The following TEX261 variants were observed in gnomAD, a reference collection of about 807,000 sequenced individuals.
TEX261 encodes protein TEX261.
A neutral mutation model predicts 25.1 loss-of-function variants in TEX261; 13 were observed. The observed-to-expected ratio is 0.52, with a 90% CI of 0.34 to 0.82. The LOEUF is 0.82. TEX261 is among the 40% of genes least tolerant of loss of function. TEX261 has a pLI of 0.02. For missense variants in TEX261, 206 were observed against 243.2 expected, an observed-to-expected ratio of 0.85 and a Z score of 1.02; for synonymous variants, 92 against 97.8, an observed-to-expected ratio of 0.94 and a Z score of 0.35.
chr2:70,989,812 TAG>T lies in TEX261; in HGVS notation c.307_308del (p.Leu103SerfsTer57). 6.2e-7 allele frequency: 1 copy of T among 1,610,922 alleles called. No individual in the cohort carries two copies. The highest frequency in any genetic ancestry group is 8.5e-7 in the Non-Finnish European group (1 of 1,177,074). On this transcript the variant is annotated frameshift_variant and splice_region_variant, in exon 4 of 6. Coordinates refer to ENST00000272438, the MANE Select transcript of TEX261 (RefSeq NM_144582.3). LOFTEE classifies it high-confidence loss of function. ...ATGCTAGGTAATGATTCACCACCAC[TAG>T]TCCTGTTGAGGGAATGAAGAGTCAG... ...TSPNFILSCG[L>X]VVVNHYLAFQ...
At position 70,988,710 on chromosome 2, in the gene TEX261, C is replaced by T. The variant is rs1553425218; in HGVS notation, c.481G>A (p.Val161Ile). Residue 161 changes from valine to isoleucine, a missense_variant, in exon 6 of 6, where the codon GTC becomes ATC. Coordinates refer to ENST00000272438, the MANE Select transcript of TEX261 (RefSeq NM_144582.3). The part of the protein sequence containing the change: ...LPSTMQPGDD[V>I]VSNYFTKGKR... ...CCTTTGGTGAAATAATTGGAGACGA[C>T]ATCATCTGTGGAGATACAGGCAAGA... 2 of 1,613,438 alleles carry T rather than the reference C, an allele frequency of 1.2e-6. No individual in the cohort carries two copies. The highest frequency in any genetic ancestry group is 2.2e-5 in the East Asian group (1 of 44,874).
At chr2:70,992,045 C>A in intron 2 of TEX261, 62 bp from the exon 3 acceptor site, 1 of 1,482,836 alleles carries the variant, frequency 6.7e-7, no homozygotes. Flanking sequence ...CTGGACTCAC[C>A]AACCCCCAGC....
At chr2:70,990,916 A>G (rs1422767116) in intron 3 of TEX261, among the ~76,000 whole-genome samples, 1 of 152,184 alleles carries the variant, frequency 6.6e-6, no homozygotes, top group Non-Finnish European at 1.5e-5. Flanking sequence ...TTCTTTGGTG[A>G]AATCACACCC....
intron 3 of TEX261, among the ~76,000 whole-genome samples, chr2:70,990,049 T>C (rs1372952486): frequency 6.6e-6 from 1 of 152,206 alleles, no homozygotes; most frequent in Non-Finnish European, 1.5e-5. Flanking sequence ...GAAGGCTCTT[T>C]GCATGTTATA....
chr2:70,992,030 C>T (rs375805835), intron 2 of TEX261, 47 bp from the exon 3 acceptor site: 19 of 1,511,932 alleles, frequency 1.3e-5, no homozygotes, highest in Middle Eastern at 3.6e-4. Context: ...TTCCAGGCAA[C>T]GTTCCTGGAC....
chr2:70,989,189 G>A lies in TEX261; in HGVS notation c.373-172C>T. ...CTCAGACATGGAAATCCTTCTGTGGGGAAAGGTGGAGGCTGAAAATGACTG... is the reference window on the plus strand; with the variant it reads ...CTCAGACATGGAAATCCTTCTGTGGAGAAAGGTGGAGGCTGAAAATGACTG... On this transcript the variant is annotated intron_variant, in intron 4 of 5. Transcript: ENST00000272438. 4.7e-6 allele frequency: 3 copies of A among 637,750 alleles called. No individual in the cohort carries two copies. In the South Asian group the frequency reaches 5.6e-5, roughly 12 times the overall value. 39.5% of individuals were successfully genotyped at this position (637,750 alleles called of 1,614,324 possible). A position where few individuals can be genotyped will look rare whatever the true frequency, so the allele number is the denominator to read the frequency against.
Position 70,994,806 on chromosome 2 carries a change from T to G in TEX261, c.-49A>C. On this transcript the variant is annotated 5_prime_UTR_variant, in exon 1 of 6. Coordinates refer to ENST00000272438, the MANE Select transcript of TEX261 (RefSeq NM_144582.3). ...CGGCCACCGGGACGGGCCTGCGCGC[T>G]TCGGCTCCGGCGACACACAGCCGCC... is the stretch of plus-strand genomic sequence containing the variant. 2.1e-6 allele frequency: 3 copies of G among 1,455,090 alleles called. No homozygotes were observed. The highest frequency in any genetic ancestry group is 1.8e-6 in the Non-Finnish European group (2 of 1,098,780). 90.1% of individuals were successfully genotyped at this position (1,455,090 alleles called of 1,614,324 possible). A position where few individuals can be genotyped will look rare whatever the true frequency, so the allele number is the denominator to read the frequency against.
rs782043536 is a variant in TEX261, at chr2:70,993,739, T to C, written c.107A>G (p.Glu36Gly). The C allele has an allele frequency of 2.5e-6, 4 of 1,613,446 alleles. No individual in the cohort carries two copies. The highest frequency in any genetic ancestry group is 3.4e-6 in the Non-Finnish European group (4 of 1,180,026). ...GATCCTGCTGGTGGCCACTGTGTATTCTTCTATCAGTTCTGCCAGGTAATA... is the reference window on the plus strand; with the variant it reads ...GATCCTGCTGGTGGCCACTGTGTATCCTTCTATCAGTTCTGCCAGGTAATA... ...GLYYLAELIE[E>G]YTVATSRIIK... The change falls in exon 2 of 6, where the codon GAA becomes GGA. Residue 36 changes from glutamate (E) to glycine (G), a missense_variant. By Grantham distance (98) the Glu-to-Gly change is moderately conservative (BLOSUM62 -2). Coordinates refer to ENST00000272438, the MANE Select transcript of TEX261 (RefSeq NM_144582.3).
rs115911045 is a variant in TEX261 at position 70,989,401 on chromosome 2, G to A, written c.372+348C>T. ...AATCGTGGGAGAAGAAAACCTTGGC[G>A]GCCACTGGGAAAAGCTGGGGCTCAG... On this transcript the variant is annotated intron_variant, in intron 4 of 5. Coordinates refer to ENST00000272438, the MANE Select transcript of TEX261 (RefSeq NM_144582.3). 2,329 of 408,468 alleles carry A rather than the reference G, an allele frequency of 5.7e-3. 45 individuals are homozygous for A. The highest frequency in any genetic ancestry group is 0.044 in the African/African-American group (2,193 of 49,810). The allele number at this position is 408,468 out of a possible 1,614,324, so 25.3% of individuals were successfully genotyped here.
chr2:70,989,874 T>C, intron 3 of TEX261, 58 bp from the exon 4 acceptor site: 1 of 1,369,900 alleles, frequency 7.3e-7, no homozygotes, highest in East Asian at 2.3e-5. Context: ...GCTGTACTTT[T>C]AACTTCAAAA....
At position 70,994,775 on chromosome 2, in the gene TEX261, G is replaced by A; in HGVS notation, c.-18C>T. Reference sequence around the variant, plus strand: ...AACCACATGGCGCCCCCACCCGCCCGCTCCCCGGCCACCGGGACGGGCCTG... The same window carrying A: ...AACCACATGGCGCCCCCACCCGCCCACTCCCCGGCCACCGGGACGGGCCTG... On this transcript the variant is annotated 5_prime_UTR_variant, in exon 1 of 6. Coordinates refer to ENST00000272438, the MANE Select transcript of TEX261 (RefSeq NM_144582.3). The A allele has an allele frequency of 6.4e-7, 1 of 1,566,620 alleles. No individual in the cohort carries two copies. The highest frequency in any genetic ancestry group is 8.6e-7 in the Non-Finnish European group (1 of 1,159,124).
intron 4 of TEX261, chr2:70,989,278 C>T (rs1475442888): frequency 1.8e-6 from 1 of 540,860 alleles, no homozygotes; most frequent in Non-Finnish European, 3.3e-6. Context: ...CTGAAGGAGG[C>T]AGACAAAGTG....
At chr2:70,991,415 A>T (rs1166979752) in intron 3 of TEX261, among the ~76,000 whole-genome samples, 1 of 152,222 alleles carries the variant, frequency 6.6e-6, no homozygotes, top group Non-Finnish European at 1.5e-5. Context: ...TCACAGCCCC[A>T]TGAGGCTCCA....
chr2:70,990,649 T>C (rs1670284588), intron 3 of TEX261, among the ~76,000 whole-genome samples: 2 of 152,226 alleles, frequency 1.3e-5, no homozygotes, highest in Non-Finnish European at 2.9e-5. Context: ...TCTTCTCTCC[T>C]GCCTCTCCCA....
chr2:70,993,806 C>T (rs1670353100), intron 1 of TEX261, 31 bp from the exon 2 acceptor site: 1 of 1,570,208 alleles, frequency 6.4e-7, no homozygotes, highest in Non-Finnish European at 8.8e-7. Flanking sequence ...AGACTATCAG[C>T]CAGGGTCACT....
At chr2:70,990,407 C>T (rs78714771) in intron 3 of TEX261, among the ~76,000 whole-genome samples, 1,620 of 152,108 alleles carry the variant, frequency 0.011, 17 homozygotes, top group Non-Finnish European at 0.013. Flanking sequence ...TAAGGCATAC[C>T]GGTGTGAACT....
intron 5 of TEX261, 59 bp from the exon 6 acceptor site, chr2:70,988,774 A>C: frequency 1.3e-6 from 2 of 1,526,498 alleles, no homozygotes; most frequent in Non-Finnish European, 1.8e-6. Context: ...GTGTGTGCGC[A>C]TGTGTGTGAA....
rs1670211588 is a variant in TEX261, at chr2:70,987,378, GGT to G, written c.*1220_*1221del. On this transcript the variant is annotated 3_prime_UTR_variant, in exon 6 of 6. Transcript: ENST00000272438. ...TAGAGGAAATATTTTCAAGCACAGGGGTTTTTCCAGTGGCTTAAATGTATCAC... is the reference window on the plus strand; with the variant it reads ...TAGAGGAAATATTTTCAAGCACAGGGTTTTCCAGTGGCTTAAATGTATCAC... 6.6e-6 allele frequency: 1 copy of G among 152,536 alleles called. No homozygotes were observed. The allele number at this position is 152,536 out of a possible 1,614,324, so 9.4% of individuals were successfully genotyped here.
intron 1 of TEX261, among the ~76,000 whole-genome samples, 178 bp from the exon 2 acceptor site, chr2:70,993,953 C>A (rs1486122917): frequency 6.6e-6 from 1 of 152,218 alleles, no homozygotes; most frequent in Non-Finnish European, 1.5e-5. Context: ...CTTAGGGCAA[C>A]TAAGGACAAA....
Sources: gnomAD v4.1 joint callset for allele counts (sites outside exome capture counted in the v4.1 genomes callset) on GRCh38, gnomAD v4.1.1 for gene constraint, MANE v1.5 for transcripts, NCBI Gene and HGNC (gene_info 2026-07-23, HGNC 2026-07-21) for gene names.